Variants in ADGRG7 observed in about 807,000 individuals in gnomAD.
The protein encoded by ADGRG7 is adhesion G protein-coupled receptor G7.
ADGRG7 carries 82 observed loss-of-function variants against 88.6 expected under a neutral mutation model. The observed-to-expected ratio is 0.93, with a 90% CI of 0.77 to 1.11. The LOEUF (loss-of-function observed/expected upper bound fraction) is 1.11, where lower values mean the gene tolerates loss of function less well. ADGRG7 is among the 50% of genes most tolerant of loss of function. ADGRG7 has a pLI of 0.00. For synonymous variants in ADGRG7, 381 were observed against 345.2 expected, an observed-to-expected ratio of 1.10 and a Z score of -1.15; for missense variants, 945 against 953.4, an observed-to-expected ratio of 0.99 and a Z score of 0.12.
chr3:100,645,913 T>C, intron 8 of ADGRG7, 32 bp from the exon 9 acceptor site: 1 of 1,594,510 alleles, frequency 6.3e-7, no homozygotes, highest in Non-Finnish European at 8.6e-7. Flanking sequence ...TACAGTGCAC[T>C]TATTGATTTT....
chr3:100,694,722 TA>T, intron 15 of ADGRG7, 21 bp from the exon 16 acceptor site: 1 of 1,607,328 alleles, frequency 6.2e-7, no homozygotes, highest in Non-Finnish European at 8.5e-7. Flanking sequence ...TACCCAACAT[TA>T]AACTTTTGTT....
chr3:100,636,272 T>C (rs904672247), intron 5 of ADGRG7, among the ~76,000 whole-genome samples: 1 of 152,252 alleles, frequency 6.6e-6, no homozygotes, highest in African/African-American at 2.4e-5. Flanking sequence ...ATAAGTCTAC[T>C]TCACCTTATG....
intron 8 of ADGRG7, 45 bp downstream of exon 8, chr3:100,643,678 C>A (rs1189024202): frequency 2.4e-6 from 3 of 1,239,894 alleles, no homozygotes; most frequent in African/African-American, 3.0e-5. Context: ...GACTCGAATT[C>A]ATGGAACTAA....
chr3:100,659,945 A>G, intron 14 of ADGRG7, 102 bp downstream of exon 14: 2 of 1,122,336 alleles, frequency 1.8e-6, no homozygotes, highest in Non-Finnish European at 1.3e-6. Flanking sequence ...AAACTGAGAC[A>G]ATGGCAGGGC....
chr3:100,641,147 A>G (rs1707635793), intron 6 of ADGRG7, among the ~76,000 whole-genome samples: 2 of 152,210 alleles, frequency 1.3e-5, no homozygotes, highest in Admixed American at 1.3e-4. Context: ...TAGTTTAAAG[A>G]GAGTTCGTTC....
intron 8 of ADGRG7, among the ~76,000 whole-genome samples, chr3:100,644,886 T>C (rs1277016881): frequency 6.6e-6 from 1 of 152,126 alleles, no homozygotes; most frequent in African/African-American, 2.4e-5. Context: ...ATTATTAGGG[T>C]TAACTTTTCA....
chr3:100,644,839 T>C (rs1373151605), intron 8 of ADGRG7, among the ~76,000 whole-genome samples: 2 of 152,200 alleles, frequency 1.3e-5, no homozygotes, highest in Non-Finnish European at 2.9e-5. Flanking sequence ...TCTCATTCTT[T>C]TATTTTTAAA....
chr3:100,694,618 C>A, intron 15 of ADGRG7, 126 bp from the exon 16 acceptor site: 1 of 890,564 alleles, frequency 1.1e-6, no homozygotes, highest in East Asian at 2.6e-5. Flanking sequence ...CAGCTGCACA[C>A]TGGCAAATTC....
chr3:100,691,926 A>G (rs2094994649), intron 15 of ADGRG7, among the ~76,000 whole-genome samples: 1 of 152,200 alleles, frequency 6.6e-6, no homozygotes, highest in South Asian at 2.1e-4. Context: ...TATCTTTCAC[A>G]GTAGATAACA....
At chr3:100,668,015 C>T (rs1017533134) in intron 14 of ADGRG7, among the ~76,000 whole-genome samples, 14 of 152,192 alleles carry the variant, frequency 9.2e-5, no homozygotes, top group African/African-American at 3.1e-4. Flanking sequence ...GGGACCCTCA[C>T]AGCTTTCCTT....
rs138817497 is a variant in ADGRG7 at position 100,609,881 on chromosome 3, C to A, written c.25C>A (p.Leu9Ile). The A allele has an allele frequency of 5.1e-5, 83 of 1,613,798 alleles. No individual in the cohort carries two copies. Among genetic ancestry groups the A allele is most frequent in the Non-Finnish European group, 6.2e-5 (73 of 1,179,896 alleles). The change falls in exon 1 of 16, where the codon CTT becomes ATT. Residue 9 changes from leucine (L) to isoleucine (I), a missense_variant. By Grantham distance (5) the Leu-to-Ile change is conservative. Transcript: ENST00000273352. MASCRAWN[L>I]RVLVAVVCGL... ...CATGGCTTCCTGCCGTGCCTGGAAC[C>A]TTAGGGTGCTGGTGGCTGTCGTGTG... is the stretch of plus-strand genomic sequence containing the variant.
At chr3:100,681,404 G>A (rs1303507327) in intron 15 of ADGRG7, among the ~76,000 whole-genome samples, 5 of 151,368 alleles carry the variant, frequency 3.3e-5, no homozygotes, top group East Asian at 2.0e-4. Flanking sequence ...TCCGCTTCCC[G>A]GGTTCAAGCA....
At chr3:100,694,699 G>C in intron 15 of ADGRG7, 45 bp from the exon 16 acceptor site, 3 of 1,573,290 alleles carry the variant, frequency 1.9e-6, no homozygotes, top group East Asian at 2.2e-5. Flanking sequence ...CCTTGATACT[G>C]TATCTCAGCA....
intron 8 of ADGRG7, 54 bp downstream of exon 8, chr3:100,643,687 A>C: frequency 9.0e-7 from 1 of 1,113,034 alleles, no homozygotes; most frequent in African/African-American, 1.6e-5. Flanking sequence ...TCATGGAACT[A>C]ATAACTTCTA....
intron 15 of ADGRG7, among the ~76,000 whole-genome samples, chr3:100,684,714 T>C (rs1379507430): frequency 1.3e-5 from 2 of 152,248 alleles, no homozygotes; most frequent in East Asian, 3.9e-4. Flanking sequence ...TATTGTGTTA[T>C]ATAAATTATG....
In ADGRG7 at chr3:100,647,327, C is replaced by T. The variant is rs367938750; in HGVS notation, c.1266+603C>T. 3.0e-3 allele frequency among the ~76,000 whole-genome samples: 455 copies of T among 152,258 alleles called. 1 individual carries two copies. Among genetic ancestry groups the T allele is most frequent in the Non-Finnish European group, 5.1e-3 (349 of 68,016 alleles). On this transcript the variant is annotated intron_variant, in intron 10 of 15. Transcript: ENST00000273352. ...GTGGGCTCCATTCAACTAACTCACA[C>T]GTTCTGAAGCATAAAGTTGTTATAG...
In ADGRG7 at chr3:100,646,427, C is replaced by T. The variant is rs1356807702; in HGVS notation, c.1111-142C>T. On this transcript the variant is annotated intron_variant, in intron 9 of 15. Coordinates refer to ENST00000273352, the MANE Select transcript of ADGRG7 (RefSeq NM_032787.3). ...AATTTAAATTTTATCTCCTTTTTTC[C>T]CTCTCCTTAATCATAATGAATATGC... 91 of 684,326 alleles carry T rather than the reference C, an allele frequency of 1.3e-4. No homozygotes were observed. The East Asian group carries it at 2.6e-3, about 19-fold the overall frequency. The allele number at this position is 684,326 out of a possible 1,614,324, so 42.4% of individuals were successfully genotyped here. A position where few individuals can be genotyped will look rare whatever the true frequency, so the allele number is the denominator to read the frequency against.
Position 100,643,540 on chromosome 3 carries a change from C to A in ADGRG7, c.853C>A (p.Leu285Ile). The A allele has an allele frequency of 1.2e-6, 2 of 1,613,406 alleles. No homozygotes were observed. The highest frequency in any genetic ancestry group is 1.7e-6 in the Non-Finnish European group (2 of 1,179,674). The change falls in exon 8 of 16, where the codon CTA becomes ATA. Residue 285 changes from leucine to isoleucine, a missense_variant. By Grantham distance (5) the Leu-to-Ile change is conservative. Transcript: ENST00000273352. ...FSVQKGASSS[L>I]VSSSTFIHTN... ...CCTTCTCATAGGAGCTAGCAGTTCTCTAGTTTCTAGTTCAACATTTATACA... is the reference window on the plus strand; with the variant it reads ...CCTTCTCATAGGAGCTAGCAGTTCTATAGTTTCTAGTTCAACATTTATACA...
intron 11 of ADGRG7, among the ~76,000 whole-genome samples, chr3:100,652,950 C>A (rs2094931888): frequency 6.6e-6 from 1 of 152,026 alleles, no homozygotes; most frequent in Non-Finnish European, 1.5e-5. Context: ...GGTTGTACAC[C>A]CAGAAATTAT....
Sources: allele counts gnomAD v4.1 joint callset (sites outside exome capture counted in the v4.1 genomes callset), GRCh38; gene constraint gnomAD v4.1.1; transcripts MANE v1.5; gene names NCBI Gene and HGNC (gene_info 2026-07-23, HGNC 2026-07-21).